FRMPD2: variants seen among roughly 807,000 people sequenced by gnomAD.
The protein encoded by FRMPD2 is FERM and PDZ domain containing 2.
A neutral mutation model predicts 140.1 loss-of-function variants in FRMPD2; 96 were observed. That is an observed-to-expected ratio of 0.69 (90% CI 0.58 to 0.81). FRMPD2 has a LOEUF of 0.81. FRMPD2 is among the 40% of genes least tolerant of loss of function. The pLI is 0.00. For missense variants in FRMPD2, 1,240 were observed against 1,447.4 expected, an observed-to-expected ratio of 0.86 and a Z score of 2.32; for synonymous variants, 449 against 547.6, an observed-to-expected ratio of 0.82 and a Z score of 2.52.
intron 20 of FRMPD2, among the ~76,000 whole-genome samples, chr10:48,181,909 C>CAG (rs995515843): frequency 7.2e-6 from 1 of 138,170 alleles, no homozygotes; most frequent in Non-Finnish European, 1.6e-5. Context: ...CACACACACA[C>CAG]ACAGACACGC....
At chr10:48,267,485 C>A (rs921925101) in intron 1 of FRMPD2, among the ~76,000 whole-genome samples, 1 of 152,142 alleles carries the variant, frequency 6.6e-6, no homozygotes, top group African/African-American at 2.4e-5. Flanking sequence ...CATCAAAAGA[C>A]ATTTCTGTAT....
chr10:48,186,431 G>A (rs1430228637), intron 17 of FRMPD2, among the ~76,000 whole-genome samples: 2 of 152,202 alleles, frequency 1.3e-5, no homozygotes, highest in Admixed American at 1.3e-4. Flanking sequence ...TGCTGTGGGA[G>A]GGACCCAGGG....
At chr10:48,218,793 C>T (rs774630390) in intron 12 of FRMPD2, among the ~76,000 whole-genome samples, 2 of 152,206 alleles carry the variant, frequency 1.3e-5, no homozygotes, top group Non-Finnish European at 1.5e-5. Context: ...CTACTGACAT[C>T]ATGTGAGTTC....
intron 15 of FRMPD2, among the ~76,000 whole-genome samples, chr10:48,196,743 T>C (rs537896506): frequency 6.6e-6 from 1 of 152,304 alleles, no homozygotes; most frequent in African/African-American, 2.4e-5. Flanking sequence ...GTTTCTAAAA[T>C]GAAGAAATAT....
chr10:48,163,128 G>C (rs1359118747), intron 28 of FRMPD2, among the ~76,000 whole-genome samples, 200 bp downstream of exon 28: 2 of 110,986 alleles, frequency 1.8e-5, no homozygotes, highest in African/African-American at 7.2e-5. Context: ...GTCTGGGTAG[G>C]GTTTGCTTTC....
At chr10:48,237,793 T>G (rs1454356123) in intron 8 of FRMPD2, among the ~76,000 whole-genome samples, 198 bp downstream of exon 8, 1 of 152,152 alleles carries the variant, frequency 6.6e-6, no homozygotes, top group Non-Finnish European at 1.5e-5. Context: ...CCATAGAGCC[T>G]TCCCCAGTGA....
intron 16 of FRMPD2, 26 bp downstream of exon 16, chr10:48,192,658 C>A (rs1471760353): frequency 6.3e-7 from 1 of 1,595,190 alleles, no homozygotes; most frequent in East Asian, 2.2e-5. Flanking sequence ...TGGTTTGGGC[C>A]CAGAGAACAA....
rs939245077 is a variant in FRMPD2, at chr10:48,274,632, G to T, written c.-65C>A. On this transcript the variant is annotated 5_prime_UTR_variant, in exon 1 of 29. Coordinates refer to ENST00000374201, the MANE Select transcript of FRMPD2 (RefSeq NM_001018071.4). ...GACAACTTTCCAACAAGGAGCAGGG[G>T]TCTCTTGCAAGTCTGTCCGCGGAGC... is the stretch of plus-strand genomic sequence containing the variant. 2 of 1,520,076 alleles carry T rather than the reference G, an allele frequency of 1.3e-6. No homozygotes were observed. The highest frequency in any genetic ancestry group is 1.7e-5 in the Admixed American group (1 of 58,506). The allele number at this position is 1,520,076 out of a possible 1,614,324, so 94.2% of individuals were successfully genotyped here. A position where few individuals can be genotyped will look rare whatever the true frequency, so the allele number is the denominator to read the frequency against.
intron 14 of FRMPD2, among the ~76,000 whole-genome samples, chr10:48,206,190 A>C (rs943053873): frequency 3.3e-5 from 5 of 152,170 alleles, no homozygotes; most frequent in Non-Finnish European, 7.3e-5. Context: ...TTGTATACTT[A>C]ATGGGGATTT....
intron 1 of FRMPD2, among the ~76,000 whole-genome samples, chr10:48,265,824 A>G (rs558802995): frequency 1.3e-5 from 2 of 152,346 alleles, no homozygotes; most frequent in East Asian, 1.9e-4. Context: ...TCAAAGAGCC[A>G]AAACCAAAAC....
intron 15 of FRMPD2, among the ~76,000 whole-genome samples, chr10:48,199,280 A>AG (rs1002700877): frequency 6.6e-6 from 1 of 152,046 alleles, no homozygotes; most frequent in Non-Finnish European, 1.5e-5. Flanking sequence ...AGGCAAAAAA[A>AG]AAAAAAAACC....
At chr10:48,184,391 T>C (rs999109069) in intron 20 of FRMPD2, among the ~76,000 whole-genome samples, 175 bp downstream of exon 20, 1 of 152,174 alleles carries the variant, frequency 6.6e-6, no homozygotes, top group Non-Finnish European at 1.5e-5. Flanking sequence ...ATTCTGCCCC[T>C]GAAATTGCAA....
At chr10:48,232,650 A>C (rs937229892) in intron 9 of FRMPD2, among the ~76,000 whole-genome samples, 2 of 152,094 alleles carry the variant, frequency 1.3e-5, no homozygotes, top group Non-Finnish European at 2.9e-5. Flanking sequence ...GGCCCTCATC[A>C]ATGAATCATA....
chr10:48,261,845 G>A (rs73296382), intron 1 of FRMPD2, among the ~76,000 whole-genome samples: 5,930 of 152,032 alleles, frequency 0.039, 391 homozygotes, highest in African/African-American at 0.14. Context: ...GGGAGAAACG[G>A]GTATTACTCT....
intron 1 of FRMPD2, among the ~76,000 whole-genome samples, chr10:48,254,934 C>T (rs547401800): frequency 4.6e-5 from 7 of 152,294 alleles, no homozygotes; most frequent in South Asian, 4.1e-4. Flanking sequence ...ACCAAGATGC[C>T]TCTGGGCTCC....
intron 13 of FRMPD2, among the ~76,000 whole-genome samples, chr10:48,211,406 C>A (rs978799664): frequency 2.0e-5 from 3 of 152,202 alleles, no homozygotes; most frequent in African/African-American, 7.2e-5. Flanking sequence ...CTGGCTCAAG[C>A]GCTGATCTTG....
At chr10:48,227,272 G>A (rs146435202) in intron 10 of FRMPD2, among the ~76,000 whole-genome samples, 58 of 152,194 alleles carry the variant, frequency 3.8e-4, no homozygotes, top group Admixed American at 1.5e-3. Context: ...TTTACCACAA[G>A]GATAAAAGTT....
intron 21 of FRMPD2, chr10:48,178,879 C>T (rs1159810456): frequency 6.6e-6 from 1 of 152,378 alleles, no homozygotes; most frequent in African/African-American, 2.4e-5. Context: ...CAGCTCTGTC[C>T]CCTGCTCCCT....
chr10:48,230,926 T>C (rs1839835056), intron 10 of FRMPD2, among the ~76,000 whole-genome samples: 1 of 152,186 alleles, frequency 6.6e-6, no homozygotes, highest in Admixed American at 6.5e-5. Context: ...GCTGGTCTAG[T>C]GCTTCGAAAT....
Sources: gnomAD v4.1 joint callset for allele counts (sites outside exome capture counted in the v4.1 genomes callset) on GRCh38, gnomAD v4.1.1 for gene constraint, MANE v1.5 for transcripts, NCBI Gene and HGNC (gene_info 2026-07-23, HGNC 2026-07-21) for gene names.